SORCS1: variants seen among roughly 807,000 people sequenced by gnomAD.
SORCS1 encodes VPS10 domain-containing receptor SorCS1.
Under a neutral mutation model 146.1 loss-of-function variants are expected in SORCS1, and 60 were observed. That is an observed-to-expected ratio of 0.41 (90% confidence interval 0.33 to 0.51). The LOEUF (loss-of-function observed/expected upper bound fraction) is 0.51, where lower values mean the gene tolerates loss of function less well. Among genes scored for constraint, SORCS1 ranks in the 20% least tolerant of loss-of-function variants. SORCS1 has a pLI of 0.21. For missense variants in SORCS1, 1,352 were observed against 1,487.6 expected, an observed-to-expected ratio of 0.91 and a Z score of 1.50; for synonymous variants, 637 against 584.0, an observed-to-expected ratio of 1.09 and a Z score of -1.31.
chr10:106,743,245 T>C (rs574283336), intron 5 of SORCS1, among the ~76,000 whole-genome samples: 6 of 151,918 alleles, frequency 3.9e-5, no homozygotes, highest in South Asian at 2.1e-4. Flanking sequence ...AATGAAGGCA[T>C]TGGAGACAGA....
rs1163623921 is a variant in SORCS1, at chr10:106,828,223, CCA to C, written c.726+1349_726+1350del. Among the ~76,000 whole-genome samples, 3 of 152,254 alleles carry C rather than the reference CCA, an allele frequency of 2.0e-5. No homozygotes were observed. In the East Asian group the frequency reaches 5.8e-4, roughly 29 times the overall value. ...CTGGGTTTTCTCTCTTCTTCTTACT[CCA>C]GAGTCTATGCTCAACTGAAAAGTTA... On this transcript the variant is annotated intron_variant, in intron 3 of 25. Transcript: ENST00000263054.
intron 2 of SORCS1, among the ~76,000 whole-genome samples, chr10:106,906,333 T>C (rs1951908124): frequency 6.6e-6 from 1 of 152,168 alleles, no homozygotes; most frequent in African/African-American, 2.4e-5. Flanking sequence ...AGGCTGGTCT[T>C]GAACTCCTGA....
chr10:107,010,445 C>T (rs570136030), intron 1 of SORCS1, among the ~76,000 whole-genome samples: 12 of 112,008 alleles, frequency 1.1e-4, no homozygotes, highest in Non-Finnish European at 2.0e-4. Flanking sequence ...TTTTTGTTTC[C>T]GTAGTTTCTC....
chr10:106,584,746 A>G (rs1403519714), intron 24 of SORCS1, among the ~76,000 whole-genome samples: 9 of 152,208 alleles, frequency 5.9e-5, no homozygotes, highest in African/African-American at 2.2e-4. Context: ...GTCCTTTAGT[A>G]GCTCTAATGA....
chr10:106,761,504 G>A (rs1589822240), intron 5 of SORCS1, 84 bp downstream of exon 5: 1 of 1,195,026 alleles, frequency 8.4e-7, no homozygotes, highest in East Asian at 2.4e-5. Flanking sequence ...GAGCACTGGT[G>A]AGAACAAGAT....
intron 19 of SORCS1, among the ~76,000 whole-genome samples, chr10:106,622,717 T>C (rs1847833948): frequency 6.6e-6 from 1 of 152,236 alleles, no homozygotes; most frequent in South Asian, 2.1e-4. Context: ...ACTCTGTTTT[T>C]CTTATTTTAT....
At chr10:106,703,274 G>C (rs1047021519) in intron 8 of SORCS1, among the ~76,000 whole-genome samples, 2 of 151,796 alleles carry the variant, frequency 1.3e-5, no homozygotes, top group African/African-American at 4.8e-5. Flanking sequence ...CAGGTCTCCT[G>C]CTGCAAATCA....
At chr10:107,144,957 G>T (rs1207143354) in intron 1 of SORCS1, among the ~76,000 whole-genome samples, 3 of 152,172 alleles carry the variant, frequency 2.0e-5, no homozygotes, top group African/African-American at 7.2e-5. Flanking sequence ...ATATACCAAG[G>T]CTTTCTACAG....
intron 19 of SORCS1, among the ~76,000 whole-genome samples, chr10:106,622,031 C>T (rs1410056305): frequency 6.6e-6 from 1 of 152,070 alleles, no homozygotes; most frequent in Non-Finnish European, 1.5e-5. Flanking sequence ...GTGGCTCATG[C>T]CTGTAATCCC....
intron 2 of SORCS1, among the ~76,000 whole-genome samples, chr10:106,931,973 A>C (rs1470541365): frequency 6.6e-6 from 1 of 152,148 alleles, no homozygotes. Flanking sequence ...ACAAAAGCCA[A>C]TTTTTCCATA....
chr10:106,678,349 T>A (rs909978452), intron 12 of SORCS1, among the ~76,000 whole-genome samples: 1 of 152,200 alleles, frequency 6.6e-6, no homozygotes, highest in African/African-American at 2.4e-5. Flanking sequence ...GAGTTTCTTA[T>A]GCAAATTTCT....
intron 2 of SORCS1, among the ~76,000 whole-genome samples, chr10:106,900,186 C>T (rs557342793): frequency 1.4e-4 from 21 of 152,264 alleles, no homozygotes; most frequent in African/African-American, 4.6e-4. Context: ...ACAGTGAACG[C>T]TTACCACACT....
intron 1 of SORCS1, among the ~76,000 whole-genome samples, chr10:107,088,390 A>G (rs1963927219): frequency 6.6e-6 from 1 of 152,132 alleles, no homozygotes; most frequent in Admixed American, 6.5e-5. Flanking sequence ...CTTTTACTCA[A>G]TGCACTGCAT....
intron 2 of SORCS1, among the ~76,000 whole-genome samples, chr10:106,855,661 G>A (rs936957314): frequency 6.6e-6 from 1 of 152,074 alleles, no homozygotes; most frequent in African/African-American, 2.4e-5. Flanking sequence ...GTCTACCAAT[G>A]AGCTCATCAA....
intron 23 of SORCS1, among the ~76,000 whole-genome samples, chr10:106,605,350 A>C (rs967919201): frequency 3.9e-5 from 6 of 152,222 alleles, no homozygotes; most frequent in Admixed American, 1.3e-4. Context: ...TCAAATAATG[A>C]TGTAGAAAAT....
chr10:106,822,201 T>C (rs1948071268), intron 3 of SORCS1, among the ~76,000 whole-genome samples: 1 of 152,172 alleles, frequency 6.6e-6, no homozygotes, highest in Non-Finnish European at 1.5e-5. Flanking sequence ...TGTATTAAAA[T>C]TTAAGAGTGT....
chr10:106,898,460 C>T (rs370599266), intron 2 of SORCS1, among the ~76,000 whole-genome samples: 11 of 152,206 alleles, frequency 7.2e-5, no homozygotes, highest in African/African-American at 2.2e-4. Flanking sequence ...TAATCTTCTT[C>T]CTCTGTTTAC....
chr10:106,757,619 C>T (rs1290289774), intron 5 of SORCS1, among the ~76,000 whole-genome samples: 1 of 152,208 alleles, frequency 6.6e-6, no homozygotes, highest in Non-Finnish European at 1.5e-5. Context: ...CCCATGCCTT[C>T]TCTAGAAAAA....
intron 2 of SORCS1, among the ~76,000 whole-genome samples, chr10:106,945,369 A>G (rs1485975755): frequency 6.6e-6 from 1 of 152,182 alleles, no homozygotes; most frequent in Non-Finnish European, 1.5e-5. Flanking sequence ...AATACAGGAC[A>G]CTATACTCAA....
Sources: gnomAD v4.1 joint callset for allele counts (sites outside exome capture counted in the v4.1 genomes callset) on GRCh38, gnomAD v4.1.1 for gene constraint, MANE v1.5 for transcripts, NCBI Gene and HGNC (gene_info 2026-07-23, HGNC 2026-07-21) for gene names.